Variants in SCAI observed in about 807,000 individuals in gnomAD.
SCAI encodes the protein suppressor of cancer cell invasion.
Under a neutral mutation model 92.2 loss-of-function variants are expected in SCAI, and 24 were observed. The ratio of observed to expected loss-of-function variants is 0.26; its 90% CI spans 0.19 to 0.37. SCAI has a LOEUF of 0.37. SCAI is among the 10% of genes least tolerant of loss of function. SCAI has a pLI of 1.00. For missense variants in SCAI, 450 were observed against 736.2 expected (o/e 0.61, Z 4.50); for synonymous variants, 261 against 258.6 (o/e 1.01, Z -0.09).
At chr9:124,966,270 T>G (rs951299225) in intron 17 of SCAI, among the ~76,000 whole-genome samples, 1 of 142,406 alleles carries the variant, frequency 7.0e-6, no homozygotes, top group African/African-American at 2.6e-5. Context: ...ATGTTCCCCT[T>G]CCTGTGTCCA....
At chr9:125,125,984 G>C (rs1017146276) in intron 2 of SCAI, among the ~76,000 whole-genome samples, 3 of 147,712 alleles carry the variant, frequency 2.0e-5, no homozygotes, top group African/African-American at 7.6e-5. Context: ...ACCTATACAG[G>C]ATAAGAGAAA....
chr9:125,099,912 C>G (rs1220355471), intron 2 of SCAI, among the ~76,000 whole-genome samples: 1 of 152,124 alleles, frequency 6.6e-6, no homozygotes, highest in Non-Finnish European at 1.5e-5. Flanking sequence ...ATGGATATAA[C>G]ACATTTTGTT....
intron 14 of SCAI, among the ~76,000 whole-genome samples, chr9:124,979,471 C>A (rs1034005807): frequency 6.6e-6 from 1 of 151,624 alleles, no homozygotes; most frequent in South Asian, 2.1e-4. Context: ...ACCCAGGAGG[C>A]GGAGGTTGCA....
intron 2 of SCAI, among the ~76,000 whole-genome samples, chr9:125,063,244 A>G (rs1833811073): frequency 6.6e-6 from 1 of 151,758 alleles, no homozygotes; most frequent in Admixed American, 6.6e-5. Flanking sequence ...CAGCATCTCT[A>G]TTAAAAATAC....
chr9:125,033,466 C>T (rs1423953270), intron 3 of SCAI, among the ~76,000 whole-genome samples: 1 of 151,460 alleles, frequency 6.6e-6, no homozygotes, highest in Non-Finnish European at 1.5e-5. Flanking sequence ...TAAGGTATAA[C>T]AACAACAACA....
intron 14 of SCAI, among the ~76,000 whole-genome samples, chr9:124,983,069 T>C (rs894161817): frequency 6.6e-6 from 1 of 151,554 alleles, no homozygotes; most frequent in Non-Finnish European, 1.5e-5. Flanking sequence ...GGAGGATCTC[T>C]TGAGCCCAGG....
In SCAI at chr9:125,090,346, G is replaced by C. The variant is rs575775166; in HGVS notation, c.99-34339C>G. Among the ~76,000 whole-genome samples, 18 of 151,624 alleles carry C rather than the reference G, an allele frequency of 1.2e-4. No individual in the cohort carries two copies. In the South Asian group the frequency reaches 3.7e-3, roughly 32 times the overall value. On this transcript the variant is annotated intron_variant, in intron 2 of 17. Transcript: ENST00000336505. ...GAGGAAAACGAGGGAGGATGTGGAG[G>C]AGAGAGGAGGAGGAAGAAAGAGTAA... is the stretch of plus-strand genomic sequence containing the variant.
At chr9:125,102,088 T>A (rs971512902) in intron 2 of SCAI, among the ~76,000 whole-genome samples, 1 of 152,130 alleles carries the variant, frequency 6.6e-6, no homozygotes, top group African/African-American at 2.4e-5. Flanking sequence ...TCTAGCGGCA[T>A]CCCTGGCCTC....
At chr9:125,050,427 G>A (rs1432892708) in intron 3 of SCAI, among the ~76,000 whole-genome samples, 5 of 152,090 alleles carry the variant, frequency 3.3e-5, no homozygotes, top group Non-Finnish European at 5.9e-5. Flanking sequence ...TCTTCTTTAC[G>A]CAGGAAACAG....
At chr9:125,108,871 C>T (rs961327245) in intron 2 of SCAI, among the ~76,000 whole-genome samples, 1 of 152,226 alleles carries the variant, frequency 6.6e-6, no homozygotes, top group Non-Finnish European at 1.5e-5. Flanking sequence ...CCCAACAGCT[C>T]ACTGAGAACG....
intron 9 of SCAI, among the ~76,000 whole-genome samples, chr9:125,008,002 T>C (rs867006628): frequency 7.9e-5 from 12 of 151,998 alleles, no homozygotes; most frequent in African/African-American, 2.4e-4. Flanking sequence ...CCCGCCACCA[T>C]GCCCGGCTAA....
At chr9:125,087,471 A>G (rs1056588035) in intron 2 of SCAI, among the ~76,000 whole-genome samples, 1 of 152,272 alleles carries the variant, frequency 6.6e-6, no homozygotes, top group African/African-American at 2.4e-5. Flanking sequence ...TATAGCAAAT[A>G]TAACAAAGCC....
At chr9:125,140,690 CAAA>C (rs35807255) in intron 2 of SCAI, among the ~76,000 whole-genome samples, 2 of 76,504 alleles carry the variant, frequency 2.6e-5, no homozygotes, top group Non-Finnish European at 4.9e-5. Flanking sequence ...CTTGTCTCTA[CAAA>C]AAAAAAAAAA....
chr9:125,132,966 CAAAT>C lies in SCAI; in HGVS notation c.98+9663_98+9666del, dbSNP rs932772707. Among the ~76,000 whole-genome samples the C allele has an allele frequency of 4.0e-5, 6 of 150,958 alleles. No homozygotes were observed. In the South Asian group the frequency reaches 1.0e-3, roughly 26 times the overall value. ...GGCAACAGAGTGAGACTCCATCTCA[CAAAT>C]AAATAAATAAATAAAAGCATTCCCA... On this transcript the variant is annotated intron_variant, in intron 2 of 17. Transcript: ENST00000336505.
chr9:125,018,752 T>C lies in SCAI; in HGVS notation c.861+47A>G, dbSNP rs201495925. The C allele has an allele frequency of 4.5e-5, 67 of 1,503,050 alleles. No individual in the cohort carries two copies. In the African/African-American group the frequency reaches 7.2e-4, roughly 16 times the overall value. 93.1% of individuals were successfully genotyped at this position (1,503,050 alleles called of 1,614,324 possible). A position where few individuals can be genotyped will look rare whatever the true frequency, so the allele number is the denominator to read the frequency against. On this transcript the variant is annotated intron_variant, in intron 9 of 17. Transcript: ENST00000336505. The stretch of plus-strand genomic sequence containing the variant: ...ATAATTCTGTGATCATCAATAGCAC[T>C]ATTTTTCACAGTGAATTTTAAGCAT...
chr9:125,063,271 T>A (rs770094329), intron 2 of SCAI, among the ~76,000 whole-genome samples: 2 of 149,474 alleles, frequency 1.3e-5, no homozygotes, highest in Non-Finnish European at 3.0e-5. Flanking sequence ...TAGATAGGCA[T>A]GGTGGCACAC....
intron 14 of SCAI, among the ~76,000 whole-genome samples, chr9:124,986,883 G>A (rs1160109934): frequency 6.6e-6 from 1 of 152,198 alleles, no homozygotes; most frequent in Non-Finnish European, 1.5e-5. Flanking sequence ...ACTTTAGGAT[G>A]AGGCTGTTTA....
chr9:125,135,285 C>A (rs1835497602), intron 2 of SCAI, among the ~76,000 whole-genome samples: 2 of 152,222 alleles, frequency 1.3e-5, no homozygotes, highest in Admixed American at 6.5e-5. Context: ...TAGAAATGTT[C>A]TCAAAAGATA....
intron 2 of SCAI, among the ~76,000 whole-genome samples, chr9:125,105,463 T>C (rs1187432327): frequency 6.6e-6 from 1 of 152,244 alleles, no homozygotes; most frequent in East Asian, 1.9e-4. Flanking sequence ...CAAGATCAAG[T>C]GTAGTATCTG....
Sources: allele counts gnomAD v4.1 joint callset (sites outside exome capture counted in the v4.1 genomes callset), GRCh38; gene constraint gnomAD v4.1.1; transcripts MANE v1.5; gene names NCBI Gene and HGNC (gene_info 2026-07-23, HGNC 2026-07-21).